Variants in PRDM16 observed in about 807,000 individuals in gnomAD.
PRDM16 encodes the protein histone-lysine N-methyltransferase PRDM16.
In PRDM16, 23 loss-of-function variants were observed where a neutral mutation model predicts 110.6. That is an observed-to-expected ratio of 0.21 (90% CI 0.15 to 0.29). The LOEUF is 0.29. Ranked by LOEUF, PRDM16 falls within the 10% of genes least tolerant of loss-of-function variation. PRDM16 has a pLI of 1.00. For synonymous variants in PRDM16, 799 were observed against 781.8 expected (o/e 1.02, Z -0.37); for missense variants, 1,615 against 1,794.3 (o/e 0.90, Z 1.81).
At chr1:3,225,573 T>TGTGTGTGCGTGCGC (rs1336272072) in intron 2 of PRDM16, among the ~76,000 whole-genome samples, 1 of 129,804 alleles carries the variant, frequency 7.7e-6, no homozygotes, top group African/African-American at 2.7e-5. Context: ...TGTGTGTGTG[T>TGTGTGTGCGTGCGC]GCGCGCGCGC....
At chr1:3,109,918 C>T (rs1642745695) in intron 1 of PRDM16, among the ~76,000 whole-genome samples, 1 of 152,244 alleles carries the variant, frequency 6.6e-6, no homozygotes, top group East Asian at 1.9e-4. Context: ...TCCTCCATGT[C>T]CTGCGTGTGG....
intron 4 of PRDM16, chr1:3,386,659 T>G (rs1643206058): frequency 6.6e-6 from 1 of 152,202 alleles, no homozygotes; most frequent in South Asian, 2.1e-4. Flanking sequence ...TTAAAAAAAT[T>G]TTTTTCTTTC....
At chr1:3,098,523 A>G (rs1049293889) in intron 1 of PRDM16, among the ~76,000 whole-genome samples, 1 of 152,154 alleles carries the variant, frequency 6.6e-6, no homozygotes, top group African/African-American at 2.4e-5. Flanking sequence ...GCAGCCAGAG[A>G]GGTTCCCCCA....
intron 2 of PRDM16, among the ~76,000 whole-genome samples, chr1:3,203,062 A>T (rs1242219601): frequency 1.3e-5 from 2 of 152,164 alleles, no homozygotes; most frequent in Non-Finnish European, 2.9e-5. Flanking sequence ...TTCATCCCCG[A>T]TGAATTTGCT....
chr1:3,204,212 G>A (rs766756274), intron 2 of PRDM16, among the ~76,000 whole-genome samples: 7 of 152,180 alleles, frequency 4.6e-5, no homozygotes, highest in Non-Finnish European at 7.3e-5. Flanking sequence ...AGACTTGGCC[G>A]CTCACAGATA....
intron 3 of PRDM16, among the ~76,000 whole-genome samples, chr1:3,348,130 TG>T (rs1274432237): frequency 4.6e-5 from 7 of 152,290 alleles, no homozygotes; most frequent in Admixed American, 4.6e-4. Flanking sequence ...GCAGAGGGGT[TG>T]CTGAGTCTCC....
In PRDM16 at chr1:3,244,463, G is replaced by A. The variant is rs1482011165; in HGVS notation, c.438+326G>A. On this transcript the variant is annotated intron_variant, in intron 3 of 16. Coordinates refer to ENST00000270722, the MANE Select transcript of PRDM16 (RefSeq NM_022114.4). The surrounding 1 kb of genome is among the most constrained non-coding windows in gnomAD (Gnocchi z 4.1). The stretch of plus-strand genomic sequence containing the variant: ...ACGCAGACAGGAAAATTAAATAAAC[G>A]CAGGTTGTGTTTATTTAACTGTCTT... Among the ~76,000 whole-genome samples the A allele has an allele frequency of 1.3e-5, 2 of 152,122 alleles. No individual in the cohort carries two copies. The highest frequency in any genetic ancestry group is 6.5e-5 in the Admixed American group (1 of 15,276).
At position 3,244,330 on chromosome 1, in the gene PRDM16, G is replaced by T. The variant is rs1467875189; in HGVS notation, c.438+193G>T. Among the ~76,000 whole-genome samples the T allele has an allele frequency of 6.6e-6, 1 of 152,132 alleles. No homozygotes were observed. The highest frequency in any genetic ancestry group is 2.1e-4 in the South Asian group (1 of 4,822). On this transcript the variant is annotated intron_variant, in intron 3 of 16. Transcript: ENST00000270722. The surrounding 1 kb of genome is among the most constrained non-coding windows in gnomAD (Gnocchi z 4.1). The stretch of plus-strand genomic sequence containing the variant: ...GCTTTGCTGTCATTAGGAGGGATGG[G>T]GAGGTGGGGGTCATGTCGCCGTAGG...
At chr1:3,254,913 A>G (rs1640011580) in intron 3 of PRDM16, among the ~76,000 whole-genome samples, 1 of 152,230 alleles carries the variant, frequency 6.6e-6, no homozygotes, top group Non-Finnish European at 1.5e-5. Context: ...ACTATACCAC[A>G]AGGCTACAGT....
chr1:3,389,195 G>A (rs1026158738), intron 4 of PRDM16, among the ~76,000 whole-genome samples: 25 of 152,168 alleles, frequency 1.6e-4, no homozygotes, highest in African/African-American at 5.3e-4. Flanking sequence ...TGTGAGCCCC[G>A]GAGCTTGAAA....
chr1:3,123,196 C>T (rs760133158), intron 1 of PRDM16, among the ~76,000 whole-genome samples: 7 of 152,260 alleles, frequency 4.6e-5, no homozygotes, highest in Non-Finnish European at 8.8e-5. Context: ...CAAAGCCAAA[C>T]CCTTGCACAG....
intron 1 of PRDM16, among the ~76,000 whole-genome samples, chr1:3,159,981 C>T (rs997344047): frequency 2.6e-5 from 4 of 152,220 alleles, no homozygotes; most frequent in South Asian, 2.1e-4. Context: ...AAAAATCATC[C>T]ACCGCGTATC....
At chr1:3,275,725 T>C (rs1233899723) in intron 3 of PRDM16, among the ~76,000 whole-genome samples, 2 of 152,010 alleles carry the variant, frequency 1.3e-5, no homozygotes, top group Non-Finnish European at 2.9e-5. Context: ...TCCTGGACTT[T>C]AGGTGACCTT....
In PRDM16 at chr1:3,425,067, C is replaced by CCT. The variant is rs1400725088; in HGVS notation, c.2940-513_2940-512dup. ...CCACAGAACAGTAGGAGGGTGAACG[C>CCT]CTGCTTGCTTTTTTTTTTTTTTTTT... On this transcript the variant is annotated intron_variant, in intron 12 of 16. Coordinates refer to ENST00000270722, the MANE Select transcript of PRDM16 (RefSeq NM_022114.4). The surrounding 1 kb of genome is among the most constrained non-coding windows in gnomAD (Gnocchi z 6.9). 6.4e-6 allele frequency: 1 copy of CCT among 156,782 alleles called. No homozygotes were observed. The highest frequency in any genetic ancestry group is 2.4e-5 in the African/African-American group (1 of 41,092). 9.7% of individuals were successfully genotyped at this position (156,782 alleles called of 1,614,324 possible). A position where few individuals can be genotyped will look rare whatever the true frequency, so the allele number is the denominator to read the frequency against.
At position 3,107,938 on chromosome 1, in the gene PRDM16, G is replaced by A. The variant is rs182515910; in HGVS notation, c.37+38642G>A. 4.5e-4 allele frequency among the ~76,000 whole-genome samples: 69 copies of A among 152,352 alleles called. No individual in the cohort carries two copies. In the East Asian group the frequency reaches 9.3e-3, roughly 20 times the overall value. The stretch of plus-strand genomic sequence containing the variant: ...AGGTAAATGCTGTGCAACCCCTGCC[G>A]GGGAGGGGGGCTGAATTGTCAGGGA... On this transcript the variant is annotated intron_variant, in intron 1 of 16. Coordinates refer to ENST00000270722, the MANE Select transcript of PRDM16 (RefSeq NM_022114.4).
At chr1:3,360,585 C>T (rs1025006333) in intron 3 of PRDM16, among the ~76,000 whole-genome samples, 3 of 152,196 alleles carry the variant, frequency 2.0e-5, no homozygotes, top group Admixed American at 6.5e-5. Context: ...GCCCTTACAT[C>T]CAGAGACCCC....
intron 3 of PRDM16, among the ~76,000 whole-genome samples, chr1:3,348,902 G>A (rs1178451105): frequency 1.3e-5 from 2 of 152,178 alleles, no homozygotes; most frequent in East Asian, 1.9e-4. Flanking sequence ...CCTAGAGTCC[G>A]TGGTGGGGAG....
chr1:3,273,335 G>A (rs906148800), intron 3 of PRDM16, among the ~76,000 whole-genome samples: 7 of 152,220 alleles, frequency 4.6e-5, no homozygotes, highest in African/African-American at 1.7e-4. Context: ...CAGGAGTGGG[G>A]AGCAGCAGTG....
intron 3 of PRDM16, among the ~76,000 whole-genome samples, chr1:3,296,418 G>A (rs923570509): frequency 7.2e-5 from 11 of 152,374 alleles, no homozygotes; most frequent in African/African-American, 2.4e-4. Context: ...CGGAACTGGG[G>A]CCGGGGGCAG....
Sources: allele counts gnomAD v4.1 joint callset (sites outside exome capture counted in the v4.1 genomes callset), GRCh38; gene constraint gnomAD v4.1.1; non-coding constraint Gnocchi (gnomAD v3.1); transcripts MANE v1.5; gene names NCBI Gene and HGNC (gene_info 2026-07-23, HGNC 2026-07-21).